Variants in CSGALNACT1 observed in about 807,000 individuals in gnomAD.
CSGALNACT1 encodes the protein beta4GalNAcT-1.
In CSGALNACT1, 52 loss-of-function variants were observed where a neutral mutation model predicts 51.0. That is an observed-to-expected ratio of 1.02 (90% CI 0.82 to 1.29). CSGALNACT1 has a LOEUF of 1.29. Among genes scored for constraint, CSGALNACT1 ranks in the 50% most tolerant of loss-of-function variants. The pLI, the probability that CSGALNACT1 is intolerant of heterozygous loss-of-function variation, is 0.00. For synonymous variants in CSGALNACT1, 341 were observed against 254.4 expected, an observed-to-expected ratio of 1.34 and a Z score of -3.24; for missense variants, 935 against 679.2, an observed-to-expected ratio of 1.38 and a Z score of -4.19.
chr8:19,594,128 C>A (rs1316215851), intron 2 of CSGALNACT1, among the ~76,000 whole-genome samples: 1 of 152,078 alleles, frequency 6.6e-6, no homozygotes, highest in Non-Finnish European at 1.5e-5. Flanking sequence ...TCACCACTTA[C>A]AACAGAAGCA....
At chr8:19,510,419 A>T (rs1028031728) in intron 3 of CSGALNACT1, among the ~76,000 whole-genome samples, 1 of 152,186 alleles carries the variant, frequency 6.6e-6, no homozygotes, top group East Asian at 1.9e-4. Flanking sequence ...AATAGACGAC[A>T]GTCTCAGTCC....
intron 4 of CSGALNACT1, among the ~76,000 whole-genome samples, chr8:19,498,387 C>A (rs2075838443): frequency 6.6e-6 from 1 of 152,244 alleles, no homozygotes; most frequent in Admixed American, 6.5e-5. Context: ...CCTTTCCCAA[C>A]AATGCCTCCT....
chr8:19,605,101 T>C (rs1179066478), upstream of CSGALNACT1, among the ~76,000 whole-genome samples: 1 of 152,072 alleles, frequency 6.6e-6, no homozygotes, highest in African/African-American at 2.4e-5. Flanking sequence ...TTTCTGAATG[T>C]CAAAGAAATA....
At chr8:19,549,249 AT>A (rs755405490) in intron 3 of CSGALNACT1, among the ~76,000 whole-genome samples, 84 of 152,140 alleles carry the variant, frequency 5.5e-4, no homozygotes, top group Middle Eastern at 3.4e-3. Flanking sequence ...AACCATTACA[AT>A]TTTTAGTAAC....
chr8:19,444,850 G>C (rs1357474303), intron 5 of CSGALNACT1, among the ~76,000 whole-genome samples: 4 of 152,154 alleles, frequency 2.6e-5, no homozygotes, highest in African/African-American at 7.2e-5. Flanking sequence ...AATGCTGTGG[G>C]GTGGAATGGC....
intron 3 of CSGALNACT1, among the ~76,000 whole-genome samples, chr8:19,577,715 A>G (rs1229664607): frequency 6.6e-6 from 1 of 152,068 alleles, no homozygotes; most frequent in Non-Finnish European, 1.5e-5. Flanking sequence ...ATAACAAGGC[A>G]TGGGTTTGGG....
At chr8:19,543,549 G>C (rs556098114) in intron 3 of CSGALNACT1, among the ~76,000 whole-genome samples, 1 of 152,308 alleles carries the variant, frequency 6.6e-6, no homozygotes, top group African/African-American at 2.4e-5. Context: ...CACAGAGAAT[G>C]CCTAAGTGAC....
At chr8:19,470,907 C>A (rs2067991485) in intron 4 of CSGALNACT1, among the ~76,000 whole-genome samples, 1 of 152,000 alleles carries the variant, frequency 6.6e-6, no homozygotes, top group African/African-American at 2.4e-5. Flanking sequence ...ACTAGCCTGG[C>A]CAATGTGGTG....
chr8:19,462,813 C>T (rs2065839666), intron 4 of CSGALNACT1, among the ~76,000 whole-genome samples: 1 of 148,870 alleles, frequency 6.7e-6, no homozygotes, highest in Non-Finnish European at 1.5e-5. Flanking sequence ...CATCAGTTTT[C>T]TTTTTTTTTT....
At chr8:19,708,325 T>A (rs935116660) in intron 1 of CSGALNACT1, among the ~76,000 whole-genome samples, 12 of 152,268 alleles carry the variant, frequency 7.9e-5, no homozygotes, top group African/African-American at 2.9e-4. Context: ...GGGATGCCCA[T>A]CAGCGTGAGG....
intron 1 of CSGALNACT1, among the ~76,000 whole-genome samples, chr8:19,710,045 CT>C (rs1349068645): frequency 6.6e-6 from 1 of 152,164 alleles, no homozygotes; most frequent in Non-Finnish European, 1.5e-5. Context: ...GAAATATTTA[CT>C]CCCCACAGGC....
At chr8:19,519,030 C>T (rs1408357606) in intron 3 of CSGALNACT1, among the ~76,000 whole-genome samples, 2 of 152,186 alleles carry the variant, frequency 1.3e-5, no homozygotes, top group African/African-American at 2.4e-5. Flanking sequence ...ACAATATTTA[C>T]CCAATGCCTT....
At chr8:19,630,929 G>A (rs1359379246) in intron 1 of CSGALNACT1, among the ~76,000 whole-genome samples, 1 of 152,024 alleles carries the variant, frequency 6.6e-6, no homozygotes, top group Non-Finnish European at 1.5e-5. Context: ...GTATCCGTTT[G>A]GTACATTTGT....
intron 1 of CSGALNACT1, among the ~76,000 whole-genome samples, chr8:19,618,481 A>T (rs1589063006): frequency 6.6e-6 from 1 of 151,844 alleles, no homozygotes; most frequent in Non-Finnish European, 1.5e-5. Flanking sequence ...ACTCTACTAA[A>T]ATATAAAAAT....
chr8:19,703,648 G>A (rs1210744074), intron 1 of CSGALNACT1, among the ~76,000 whole-genome samples: 1 of 152,124 alleles, frequency 6.6e-6, no homozygotes, highest in East Asian at 1.9e-4. Flanking sequence ...CAGGTAACTG[G>A]AGAGTTGGTT....
chr8:19,500,211 C>A (rs928696718), intron 4 of CSGALNACT1, among the ~76,000 whole-genome samples: 17 of 152,228 alleles, frequency 1.1e-4, no homozygotes, highest in African/African-American at 4.1e-4. Flanking sequence ...GTCAGAAGGA[C>A]CCCGGTTCTG....
At chr8:19,690,183 G>A (rs2061222867) in intron 1 of CSGALNACT1, among the ~76,000 whole-genome samples, 1 of 152,136 alleles carries the variant, frequency 6.6e-6, no homozygotes. Context: ...ATATTGAGTG[G>A]ACAATTAATA....
At chr8:19,567,085 A>G (rs1424345466) in intron 3 of CSGALNACT1, among the ~76,000 whole-genome samples, 2 of 152,238 alleles carry the variant, frequency 1.3e-5, no homozygotes, top group African/African-American at 2.4e-5. Flanking sequence ...GCAAACACTC[A>G]GTCACCTTTA....
intron 5 of CSGALNACT1, among the ~76,000 whole-genome samples, chr8:19,443,879 G>T (rs1471205711): frequency 6.6e-6 from 1 of 152,168 alleles, no homozygotes; most frequent in African/African-American, 2.4e-5. Flanking sequence ...TTTCCACACT[G>T]GGGGTGGGGG....
Sources: allele counts gnomAD v4.1 joint callset (sites outside exome capture counted in the v4.1 genomes callset), GRCh38; gene constraint gnomAD v4.1.1; transcripts MANE v1.5; gene names NCBI Gene and HGNC (gene_info 2026-07-23, HGNC 2026-07-21).